TOP6BL: variants seen among roughly 807,000 people sequenced by gnomAD.
The protein encoded by TOP6BL is TOP6B like initiator of meiotic double strand breaks, also known as type 2 DNA topoisomerase 6 subunit B-like.
At chr11:66,797,148 C>T in the TOP6BL span, among the ~76,000 whole-genome samples, 1 of 151,838 alleles carries the variant, frequency 6.6e-6, no homozygotes. Context: ...TACAGGTGTG[C>T]ACCACCATGC....
the TOP6BL span, among the ~76,000 whole-genome samples, chr11:66,780,153 TA>T: frequency 9.7e-4 from 142 of 146,962 alleles, 1 homozygote; most frequent in South Asian, 6.5e-3. Context: ...AAAACTTTCA[TA>T]AAAAAAAAAG....
At chr11:66,758,303 T>TTTC in the TOP6BL span, 7 of 5,926 alleles carry the variant, frequency 1.2e-3, no homozygotes, top group African/African-American at 1.6e-3. Flanking sequence ...TTTCTTTTTC[T>TTTC]TTTTTTTTTT....
At chr11:66,768,202 A>G in the TOP6BL span, among the ~76,000 whole-genome samples, 2 of 152,006 alleles carry the variant, frequency 1.3e-5, no homozygotes, top group East Asian at 1.9e-4. Context: ...CTTGCTCAAC[A>G]TTGAGTAAGA....
the TOP6BL span, among the ~76,000 whole-genome samples, chr11:66,821,199 A>G: frequency 1.4e-4 from 22 of 152,238 alleles, no homozygotes; most frequent in African/African-American, 5.3e-4. Context: ...GGCCTGCAGT[A>G]TCTCAGTCGT....
chr11:66,780,026 G>A, the TOP6BL span, among the ~76,000 whole-genome samples: 1 of 126,734 alleles, frequency 7.9e-6, no homozygotes, highest in Non-Finnish European at 1.7e-5. Context: ...GGGGGGAGGG[G>A]GAGGGATAGC....
the TOP6BL span, chr11:66,748,262 C>A: frequency 1.3e-6 from 1 of 797,864 alleles, no homozygotes; most frequent in Non-Finnish European, 1.9e-6. Context: ...ATTTTAGAAG[C>A]AAGAATACAA....
At chr11:66,794,329 T>C in the TOP6BL span, among the ~76,000 whole-genome samples, 1 of 152,050 alleles carries the variant, frequency 6.6e-6, no homozygotes, top group African/African-American at 2.4e-5. Context: ...TTTCATTTTT[T>C]TGGAGTTCTG....
the TOP6BL span, among the ~76,000 whole-genome samples, chr11:66,760,663 G>A: frequency 1.3e-5 from 2 of 150,050 alleles, no homozygotes; most frequent in Non-Finnish European, 3.0e-5. Context: ...AATTAGCCAG[G>A]GAAGGTGGTG....
chr11:66,756,414 C>A, the TOP6BL span: 11 of 1,123,436 alleles, frequency 9.8e-6, no homozygotes, highest in Non-Finnish European at 1.3e-5. Context: ...CTCACTGCAA[C>A]CTCCACCTCC....
At chr11:66,760,388 G>T in the TOP6BL span, among the ~76,000 whole-genome samples, 1 of 150,914 alleles carries the variant, frequency 6.6e-6, no homozygotes, top group East Asian at 2.0e-4. Flanking sequence ...GGCAGAGGCT[G>T]CAGTGAGCCA....
the TOP6BL span, among the ~76,000 whole-genome samples, chr11:66,835,820 G>GT: frequency 6.6e-6 from 1 of 152,114 alleles, no homozygotes; most frequent in Non-Finnish European, 1.5e-5. Flanking sequence ...ATGAACACAA[G>GT]TTTTTTCCAC....
the TOP6BL span, chr11:66,813,804 A>G: frequency 6.8e-7 from 1 of 1,481,146 alleles, no homozygotes; most frequent in African/African-American, 1.4e-5. Context: ...TTTGTTTGTT[A>G]TACAAGTGAA....
the TOP6BL span, chr11:66,744,810 C>A: frequency 2.4e-6 from 3 of 1,267,838 alleles, no homozygotes; most frequent in Admixed American, 1.2e-4. Context: ...CAAGCCCGGG[C>A]TGAGGAGGGG....
the TOP6BL span, among the ~76,000 whole-genome samples, chr11:66,808,399 A>G: frequency 6.6e-6 from 1 of 152,114 alleles, no homozygotes; most frequent in Non-Finnish European, 1.5e-5. Flanking sequence ...TGTGTGGTGC[A>G]TGCCTGTGGT....
chr11:66,760,785 G>C, the TOP6BL span, among the ~76,000 whole-genome samples: 1 of 151,996 alleles, frequency 6.6e-6, no homozygotes, highest in African/African-American at 2.4e-5. Flanking sequence ...CAGCCTGGGT[G>C]ACAGCAAGAC....
the TOP6BL span, among the ~76,000 whole-genome samples, chr11:66,747,818 G>A: frequency 2.0e-5 from 3 of 150,698 alleles, no homozygotes; most frequent in African/African-American, 7.3e-5. Flanking sequence ...TAAGGTCTGC[G>A]TATGTTGTCC....
the TOP6BL span, chr11:66,843,208 T>C: frequency 3.1e-6 from 5 of 1,610,798 alleles, no homozygotes; most frequent in Non-Finnish European, 4.2e-6. Context: ...CCTGTCAGAG[T>C]GGCTGAGTCC....
At chr11:66,791,491 GTGTA>G in the TOP6BL span, among the ~76,000 whole-genome samples, 2 of 152,052 alleles carry the variant, frequency 1.3e-5, no homozygotes, top group South Asian at 2.1e-4. Flanking sequence ...GTACTTCTGT[GTGTA>G]TGTATCTAAG....
At chr11:66,805,783 AGT>A in the TOP6BL span, among the ~76,000 whole-genome samples, 6 of 152,140 alleles carry the variant, frequency 3.9e-5, no homozygotes, top group Non-Finnish European at 8.8e-5. Flanking sequence ...GAGTAATGAA[AGT>A]GTTCTAAAAT....
Sources: gnomAD v4.1 joint callset for allele counts (sites outside exome capture counted in the v4.1 genomes callset) on GRCh38, gnomAD v4.1.1 for gene constraint, MANE v1.5 for transcripts, NCBI Gene and HGNC (gene_info 2026-07-23, HGNC 2026-07-21) for gene names.